The following TLN2 variants were observed in gnomAD, a reference collection of about 807,000 sequenced individuals.
TLN2 encodes talin-2.
A neutral mutation model predicts 294.7 loss-of-function variants in TLN2; 118 were observed. The ratio of observed to expected loss-of-function variants is 0.40; its 90% CI spans 0.34 to 0.47. The LOEUF (loss-of-function observed/expected upper bound fraction) is 0.47, where lower values mean the gene tolerates loss of function less well. Among genes scored for constraint, TLN2 ranks in the 20% least tolerant of loss-of-function variants. The pLI, the probability that TLN2 is intolerant of heterozygous loss-of-function variation, is 0.84. For missense variants in TLN2, 3,083 were observed against 3,282.2 expected (o/e 0.94, Z 1.48); for synonymous variants, 1,431 against 1,304.5 (o/e 1.10, Z -2.09).
intron 1 of TLN2, among the ~76,000 whole-genome samples, chr15:62,536,674 G>A (rs1460017845): frequency 6.6e-6 from 1 of 152,214 alleles, no homozygotes; most frequent in Non-Finnish European, 1.5e-5. Context: ...CATGAAGGAA[G>A]AGATGGATGC....
intron 3 of TLN2, among the ~76,000 whole-genome samples, chr15:62,621,213 T>C (rs1164424434): frequency 1.3e-5 from 2 of 152,168 alleles, no homozygotes; most frequent in African/African-American, 4.8e-5. Context: ...TTTATTTGTT[T>C]ACCTTTGTCA....
chr15:62,700,423 A>G (rs376919814), intron 16 of TLN2, among the ~76,000 whole-genome samples: 11 of 152,318 alleles, frequency 7.2e-5, no homozygotes, highest in East Asian at 5.8e-4. Flanking sequence ...AAATAAACGT[A>G]AAGTATAAGA....
intron 33 of TLN2, 131 bp from the exon 34 acceptor site, chr15:62,750,271 A>G: frequency 1.4e-6 from 1 of 731,992 alleles, no homozygotes; most frequent in South Asian, 1.7e-5. Context: ...TAAATTCTCA[A>G]ACATCTGAGT....
intron 28 of TLN2, among the ~76,000 whole-genome samples, chr15:62,729,280 C>T (rs137893538): frequency 0.023 from 3,567 of 152,314 alleles, 66 homozygotes; most frequent in Middle Eastern, 0.061. Context: ...AATGCACATC[C>T]TCAACTTTGT....
chr15:62,837,526 C>CAGAT (rs1258325836), intron 57 of TLN2, among the ~76,000 whole-genome samples: 3 of 152,168 alleles, frequency 2.0e-5, no homozygotes, highest in Admixed American at 1.3e-4. Flanking sequence ...AGGATTTACA[C>CAGAT]AGATAGAATG....
chr15:62,478,539 C>G (rs575415933), intron 1 of TLN2, among the ~76,000 whole-genome samples: 1 of 152,232 alleles, frequency 6.6e-6, no homozygotes, highest in East Asian at 1.9e-4. Flanking sequence ...GACTTCTTGT[C>G]TACCTCTGCC....
chr15:62,737,123 C>A, intron 29 of TLN2, 37 bp downstream of exon 29: 1 of 1,608,138 alleles, frequency 6.2e-7, no homozygotes, highest in South Asian at 1.1e-5. Context: ...TTGTCATGGT[C>A]ATCATTAACG....
chr15:62,791,259 G>T (rs1010203161), intron 45 of TLN2, among the ~76,000 whole-genome samples: 4 of 152,100 alleles, frequency 2.6e-5, no homozygotes, highest in African/African-American at 9.7e-5. Flanking sequence ...GGAGGCTGAG[G>T]CAGGAGAATG....
chr15:62,566,471 G>C (rs1334122850), intron 1 of TLN2, among the ~76,000 whole-genome samples: 1 of 151,990 alleles, frequency 6.6e-6, no homozygotes, highest in African/African-American at 2.4e-5. Flanking sequence ...GGAATGTGGA[G>C]TAATTAAATA....
chr15:62,435,297 G>A (rs1209737259), intron 1 of TLN2, among the ~76,000 whole-genome samples: 2 of 152,118 alleles, frequency 1.3e-5, no homozygotes, highest in Non-Finnish European at 2.9e-5. Flanking sequence ...TGGGATTGCT[G>A]GGTCAAATGG....
intron 26 of TLN2, among the ~76,000 whole-genome samples, chr15:62,724,682 T>C (rs2060339434): frequency 6.6e-6 from 1 of 152,158 alleles, no homozygotes; most frequent in Admixed American, 6.5e-5. Context: ...CCACAGTGAA[T>C]AAATGATCCA....
intron 34 of TLN2, among the ~76,000 whole-genome samples, chr15:62,752,048 A>G (rs565730819): frequency 1.5e-4 from 23 of 152,274 alleles, no homozygotes; most frequent in African/African-American, 4.3e-4. Flanking sequence ...TATAGACTCT[A>G]CTATATTGTC....
chr15:62,434,827 G>C (rs2140295664), intron 1 of TLN2, among the ~76,000 whole-genome samples: 1 of 152,288 alleles, frequency 6.6e-6, no homozygotes, highest in East Asian at 1.9e-4. Context: ...TTGTTACATA[G>C]GTAAATGTGT....
At chr15:62,421,614 G>A (rs530463366) in intron 1 of TLN2, among the ~76,000 whole-genome samples, 1 of 151,192 alleles carries the variant, frequency 6.6e-6, no homozygotes, top group South Asian at 2.1e-4. Flanking sequence ...TATAAGTGGG[G>A]ACTAAATGAT....
intron 1 of TLN2, among the ~76,000 whole-genome samples, chr15:62,402,606 C>T (rs1350435779): frequency 6.6e-6 from 1 of 152,212 alleles, no homozygotes; most frequent in African/African-American, 2.4e-5. Context: ...GGCTGATGAT[C>T]CTGCCTAGAG....
At chr15:62,396,993 C>T (rs1285401762) in intron 1 of TLN2, among the ~76,000 whole-genome samples, 6 of 152,194 alleles carry the variant, frequency 3.9e-5, no homozygotes, top group Non-Finnish European at 8.8e-5. Flanking sequence ...GCATGAGCCA[C>T]GGTGCCTGGC....
chr15:62,699,546 C>T (rs1220458591), intron 16 of TLN2, among the ~76,000 whole-genome samples: 1 of 152,176 alleles, frequency 6.6e-6, no homozygotes, highest in Non-Finnish European at 1.5e-5. Flanking sequence ...CAGAGATCTT[C>T]CTGTAGCTGC....
intron 1 of TLN2, among the ~76,000 whole-genome samples, chr15:62,470,236 AGGAT>A (rs1457461933): frequency 6.6e-6 from 1 of 152,214 alleles, no homozygotes; most frequent in African/African-American, 2.4e-5. Flanking sequence ...CCCATTCGGG[AGGAT>A]GGCCAAACCA....
rs1475579160 is a variant in TLN2, at chr15:62,399,284, A to AAT, written c.-238+8600_-238+8601insTA. ...AAAAAAAAAAAAAAAAAAAAAAAAA[A>AAT]AGTAAGAAATGCTTGGATGTCCAGG... is the stretch of plus-strand genomic sequence containing the variant. On this transcript the variant is annotated intron_variant, in intron 1 of 58. Coordinates refer to ENST00000636159, the MANE Select transcript of TLN2 (RefSeq NM_015059.3). Among the ~76,000 whole-genome samples the AAT allele has an allele frequency of 1.6e-3, 245 of 150,994 alleles. 2 individuals carry two copies. Among genetic ancestry groups the AAT allele is most frequent in the Non-Finnish European group, 3.1e-3 (212 of 67,568 alleles).
Sources: allele counts gnomAD v4.1 joint callset (sites outside exome capture counted in the v4.1 genomes callset), GRCh38; gene constraint gnomAD v4.1.1; transcripts MANE v1.5; gene names NCBI Gene and HGNC (gene_info 2026-07-23, HGNC 2026-07-21).